SPTB: variants seen among roughly 807,000 people sequenced by gnomAD.
SPTB encodes spectrin beta, erythrocytic.
A neutral mutation model predicts 256.2 loss-of-function variants in SPTB; 45 were observed. The observed-to-expected ratio is 0.18, with a 90% CI of 0.14 to 0.23. The LOEUF (loss-of-function observed/expected upper bound fraction) is 0.23, where lower values mean the gene tolerates loss of function less well. Ranked by LOEUF, SPTB falls within the 10% of genes least tolerant of loss-of-function variation. The probability of loss-of-function intolerance (pLI) is 1.00; values close to 1 mark genes in which losing one functional copy is unlikely to be tolerated. For synonymous variants in SPTB, 1,231 were observed against 1,243.1 expected, an observed-to-expected ratio of 0.99 and a Z score of 0.21; for missense variants, 2,715 against 3,040.4, an observed-to-expected ratio of 0.89 and a Z score of 2.52.
At position 64,859,186 on chromosome 14, in the gene SPTB, G is replaced by A. The variant is rs139093014; in HGVS notation, c.-52+20606C>T. Among the ~76,000 whole-genome samples, 8 of 152,188 alleles carry A rather than the reference G, an allele frequency of 5.3e-5. No individual in the cohort carries two copies. In the East Asian group the frequency reaches 1.4e-3, roughly 26 times the overall value. The stretch of plus-strand genomic sequence containing the variant: ...CGAGAATCGCTTGAACCCAGGAGAC[G>A]GAGGTTGCAGTGAGCCAAGATCGCA... On this transcript the variant is annotated intron_variant, in intron 1 of 35. Coordinates refer to ENST00000644917, the MANE Select transcript of SPTB (RefSeq NM_001355436.2).
In SPTB at chr14:64,769,571, A is replaced by G; in HGVS notation, c.5937+19T>C. ...GACGGAGACGGAGGAGCTCGCCTCC[A>G]TCCTTGCAGTCCCCTCACCTCCTCT... On this transcript the variant is annotated intron_variant, in intron 28 of 35. Coordinates refer to ENST00000644917, the MANE Select transcript of SPTB (RefSeq NM_001355436.2). The G allele has an allele frequency of 6.2e-7, 1 of 1,613,482 alleles. No homozygotes were observed. Among genetic ancestry groups the G allele is most frequent in the East Asian group, 2.2e-5 (1 of 44,886 alleles).
chr14:64,754,128 G>C (rs1309644845), intron 32 of SPTB: 4 of 434,012 alleles, frequency 9.2e-6, no homozygotes, highest in Admixed American at 3.5e-5. Flanking sequence ...AGGGGTGTGA[G>C]GGGGGGCAGG....
In SPTB at chr14:64,751,946, T is replaced by A. The variant is rs61989861; in HGVS notation, c.6602+1591A>T. ...AAAATGCAAAAAAAAAAAAAAAAATTAGCCAGGCGTGGTGGCACGTGCCTG... is the reference window on the plus strand; with the variant it reads ...AAAATGCAAAAAAAAAAAAAAAAATAAGCCAGGCGTGGTGGCACGTGCCTG... On this transcript the variant is annotated intron_variant, in intron 33 of 35. Transcript: ENST00000644917. Among the ~76,000 whole-genome samples, 210 of 90,462 alleles carry A rather than the reference T, an allele frequency of 2.3e-3. 19 individuals carry two copies. The highest frequency in any genetic ancestry group is 7.2e-3 in the African/African-American group (164 of 22,728). 59.3% of individuals were successfully genotyped at this position (90,462 alleles called of 152,430 possible). A position where few individuals can be genotyped will look rare whatever the true frequency, so the allele number is the denominator to read the frequency against.
chr14:64,752,268 T>G (rs760265835), intron 33 of SPTB: 10 of 1,343,366 alleles, frequency 7.4e-6, no homozygotes, highest in Middle Eastern at 2.1e-4. Context: ...CTCCTCCTCT[T>G]CATCCTCCTC....
chr14:64,753,664 G>T lies in SPTB; in HGVS notation c.6475C>A (p.Pro2159Thr), dbSNP rs1393668070. Reference protein sequence around the residue: ...TEPLFKVLDTPLSEGDEPATL... With the variant: ...TEPLFKVLDTTLSEGDEPATL... Reference sequence around the variant, plus strand: ...GCGGGCTCATCACCCTCGCTCAGAGGCGTATCTAGGACCTTAAAGAGGGGC... The same window carrying T: ...GCGGGCTCATCACCCTCGCTCAGAGTCGTATCTAGGACCTTAAAGAGGGGC... The change falls in exon 33 of 36, where the codon CCT (proline) becomes ACT (threonine). Residue 2159 changes from proline to threonine, a missense_variant. Around this residue, in one of 4 missense-constraint regions of SPTB, gnomAD observed 2,239 missense variants for 2,384.4 expected, o/e 0.94. Coordinates refer to ENST00000644917, the MANE Select transcript of SPTB (RefSeq NM_001355436.2). 2 of 1,613,614 alleles carry T rather than the reference G, an allele frequency of 1.2e-6. No homozygotes were observed. Among genetic ancestry groups the T allele is most frequent in the Admixed American group, 1.7e-5 (1 of 60,010 alleles).
rs184883035 is a variant in SPTB, at chr14:64,785,108, A to G, written c.3855+429T>C. Among the ~76,000 whole-genome samples the G allele has an allele frequency of 6.6e-6, 1 of 152,274 alleles. No homozygotes were observed. Among genetic ancestry groups the G allele is most frequent in the East Asian group, 1.9e-4 (1 of 5,182 alleles). Reference sequence around the variant, plus strand: ...TAACTAGGACCAGGACTGGCTCCATAATTTGCAGGGCCCAGTACAAAATGG... The same window carrying G: ...TAACTAGGACCAGGACTGGCTCCATGATTTGCAGGGCCCAGTACAAAATGG... On this transcript the variant is annotated intron_variant, in intron 18 of 35. Transcript: ENST00000644917. The surrounding 1 kb of genome is among the most constrained non-coding windows in gnomAD (Gnocchi z 4.4).
At chr14:64,821,343 G>A (rs548774867) in intron 2 of SPTB, among the ~76,000 whole-genome samples, 241 of 152,182 alleles carry the variant, frequency 1.6e-3, no homozygotes, top group Non-Finnish European at 2.8e-3. Flanking sequence ...TTCATGGTTG[G>A]CCAGGGGTTT....
At position 64,784,285 on chromosome 14, in the gene SPTB, G is replaced by C. The variant is rs541889464; in HGVS notation, c.3964C>G (p.Leu1322Val). ...TCTAGCCACCCTTCATGGGAAGCCA[G>C]CTCTGCCACAAACGCCTGGTGCTTT... is the stretch of plus-strand genomic sequence containing the variant. Reference protein sequence around the residue: ...WLKHQAFVAELASHEGWLENI... With the variant: ...WLKHQAFVAEVASHEGWLENI... The change falls in exon 19 of 36, where the codon CTG (leucine) becomes GTG (valine). Residue 1322 changes from leucine to valine, a missense_variant. By Grantham distance (32) the Leu-to-Val change is conservative. Around this residue, in one of 4 missense-constraint regions of SPTB, gnomAD observed 2,239 missense variants for 2,384.4 expected, o/e 0.94. Transcript: ENST00000644917. 2 of 1,614,124 alleles carry C rather than the reference G, an allele frequency of 1.2e-6. No homozygotes were observed. Among genetic ancestry groups the C allele is most frequent in the African/African-American group, 2.7e-5 (2 of 74,940 alleles).
chr14:64,773,763 C>A (rs1365730573), intron 24 of SPTB, among the ~76,000 whole-genome samples: 1 of 152,178 alleles, frequency 6.6e-6, no homozygotes, highest in Non-Finnish European at 1.5e-5. Context: ...CTGAGTGGGG[C>A]TCCCGCAGCA....
In SPTB at chr14:64,867,955, C is replaced by A. The variant is rs567973138; in HGVS notation, c.-52+11837G>T. On this transcript the variant is annotated intron_variant, in intron 1 of 35. Transcript: ENST00000644917. ...AAAAGTGGCAGCAAAGTCATGGAGG[C>A]AGGAAAATGAGCCTGAAGTTGAGCA... 3.3e-5 allele frequency among the ~76,000 whole-genome samples: 5 copies of A among 150,714 alleles called. No homozygotes were observed. In the East Asian group the frequency reaches 9.8e-4, roughly 30 times the overall value.
chr14:64,822,332 GATATTCTCCACCCCCAC>G (rs2083301466), intron 2 of SPTB, among the ~76,000 whole-genome samples: 3 of 77,642 alleles, frequency 3.9e-5, no homozygotes, highest in Non-Finnish European at 8.5e-5. Context: ...AGAGATTTAA[GATATTCTCCACCCCCAC>G]CTTCTCTCTC....
Position 64,824,552 on chromosome 14 carries a change from G to A in SPTB, c.-51-1407C>T, listed in dbSNP as rs1370758287. ...AGATCAAGTCTGTAAGAGAATAGGG[G>A]ACCCAGAGCCTTCACAACCAAGAGA... is the stretch of plus-strand genomic sequence containing the variant. On this transcript the variant is annotated intron_variant, in intron 1 of 35. Coordinates refer to ENST00000644917, the MANE Select transcript of SPTB (RefSeq NM_001355436.2). This position sits in a 1 kb window ranked among gnomAD's most constrained non-coding sequence, Gnocchi z 5.7. 1.3e-5 allele frequency among the ~76,000 whole-genome samples: 2 copies of A among 152,118 alleles called. No homozygotes were observed. The highest frequency in any genetic ancestry group is 4.8e-5 in the African/African-American group (2 of 41,410).
rs2083666216 is a variant in SPTB, at chr14:64,845,007, A to G, written c.-51-21862T>C. Among the ~76,000 whole-genome samples, 1 of 152,234 alleles carries G rather than the reference A, an allele frequency of 6.6e-6. No individual in the cohort carries two copies. Among genetic ancestry groups the G allele is most frequent in the South Asian group, 2.1e-4 (1 of 4,836 alleles). On this transcript the variant is annotated intron_variant, in intron 1 of 35. Coordinates refer to ENST00000644917, the MANE Select transcript of SPTB (RefSeq NM_001355436.2). The surrounding 1 kb of genome is among the most constrained non-coding windows in gnomAD (Gnocchi z 4.8). ...TGAGCTCTTGCTCTCACTGCATACA[A>G]TACTTCCTTGTTAAAGAGAGAGATG...
chr14:64,850,133 T>C (rs1439745972), intron 1 of SPTB, among the ~76,000 whole-genome samples: 2 of 152,236 alleles, frequency 1.3e-5, no homozygotes, highest in African/African-American at 4.8e-5. Flanking sequence ...TAGCCCTTTA[T>C]AGAAAAAGCT....
rs937997740 is a variant in SPTB at position 64,816,273 on chromosome 14, T to C, written c.148+6674A>G. Among the ~76,000 whole-genome samples, 1 of 152,126 alleles carries C rather than the reference T, an allele frequency of 6.6e-6. No individual in the cohort carries two copies. The highest frequency in any genetic ancestry group is 2.4e-5 in the African/African-American group (1 of 41,426). On this transcript the variant is annotated intron_variant, in intron 2 of 35. Coordinates refer to ENST00000644917, the MANE Select transcript of SPTB (RefSeq NM_001355436.2). This position sits in a 1 kb window ranked among gnomAD's most constrained non-coding sequence, Gnocchi z 4.2. The stretch of plus-strand genomic sequence containing the variant: ...TGGAAAGGCACGCTGAGGTCTTGAA[T>C]AAAAAACTCAACATCATCAAGATAT...
intron 1 of SPTB, among the ~76,000 whole-genome samples, chr14:64,837,355 C>T (rs2083541130): frequency 1.3e-5 from 2 of 152,178 alleles, no homozygotes; most frequent in African/African-American, 4.8e-5. Context: ...ATTTACTCAA[C>T]AACAGCACCC....
In SPTB at chr14:64,797,738, G is replaced by A. The variant is rs1434122111; in HGVS notation, c.1173C>T (p.Asp391=). Residue 391 remains aspartate (D), a synonymous_variant, in exon 10 of 36, where the codon GAC becomes GAT. Coordinates refer to ENST00000644917, the MANE Select transcript of SPTB (RefSeq NM_001355436.2). ...GAAAATGCTGTGGTACCCTGTTGATGTCAGACACTAGTTTCCCATCGTGGG... is the reference window on the plus strand; with the variant it reads ...GAAAATGCTGTGGTACCCTGTTGATATCAGACACTAGTTTCCCATCGTGGG... ...YTPHDGKLVS[D]INRAWESLEE... The A allele has an allele frequency of 3.7e-6, 6 of 1,611,276 alleles. No homozygotes were observed. The highest frequency in any genetic ancestry group is 5.1e-6 in the Non-Finnish European group (6 of 1,177,406).
Position 64,853,677 on chromosome 14 carries a change from A to C in SPTB, c.-52+26115T>G, listed in dbSNP as rs766423308. Among the ~76,000 whole-genome samples the C allele has an allele frequency of 2.6e-5, 4 of 152,194 alleles. No individual in the cohort carries two copies. Among genetic ancestry groups the C allele is most frequent in the Admixed American group, 6.5e-5 (1 of 15,284 alleles). ...AGACAGGCATGCAGGGCCAAGGGACAGTTGTATTCAATGGGAAAGACCTGA... is the reference window on the plus strand; with the variant it reads ...AGACAGGCATGCAGGGCCAAGGGACCGTTGTATTCAATGGGAAAGACCTGA... On this transcript the variant is annotated intron_variant, in intron 1 of 35. Transcript: ENST00000644917. This position sits in a 1 kb window ranked among gnomAD's most constrained non-coding sequence, Gnocchi z 4.3.
rs184528 is a variant in SPTB, at chr14:64,775,326, C to G, written c.4641G>C (p.Ala1547=). The G allele has an allele frequency of 6.2e-7, 1 of 1,612,880 alleles. No homozygotes were observed. Among genetic ancestry groups the G allele is most frequent in the South Asian group, 1.1e-5 (1 of 91,018 alleles). Reference sequence around the variant, plus strand: ...CAAGGTCCTGGCAGTCGATCTCCGCCGCCTCCACCAGCTGCTGCCCTCTCT... The same window carrying G: ...CAAGGTCCTGGCAGTCGATCTCCGCGGCCTCCACCAGCTGCTGCCCTCTCT... ...VLQRGQQLVE[A]AEIDCQDLEE... is the part of the protein sequence containing the mutation. The change falls in exon 23 of 36, where the codon GCG becomes GCC. Residue 1547 remains alanine, a synonymous_variant. Transcript: ENST00000644917. The surrounding 1 kb of genome is among the most constrained non-coding windows in gnomAD (Gnocchi z 5.0).
Sources: gnomAD v4.1 joint callset for allele counts (sites outside exome capture counted in the v4.1 genomes callset) on GRCh38, gnomAD v4.1.1 for gene constraint, gnomAD v4.1.1 regional missense constraint, Gnocchi (gnomAD v3.1) non-coding constraint, MANE v1.5 for transcripts, NCBI Gene and HGNC (gene_info 2026-07-23, HGNC 2026-07-21) for gene names.